The following CENPO variants were observed in gnomAD, a reference collection of about 807,000 sequenced individuals.
CENPO encodes the protein centromere protein O.
Under a neutral mutation model 36.1 loss-of-function variants are expected in CENPO, and 30 were observed. The ratio of observed to expected loss-of-function variants is 0.83; its 90% CI spans 0.62 to 1.13. CENPO has a LOEUF of 1.13. CENPO is among the 50% of genes most tolerant of loss of function. CENPO has a pLI of 0.00. For missense variants in CENPO, 349 were observed against 357.8 expected (o/e 0.98, Z 0.20); for synonymous variants, 171 against 142.3 (o/e 1.20, Z -1.44).
Position 24,821,930 on chromosome 2 carries a change from AGGTTTTGTC to A in CENPO, c.*2613_*2621del. ...TTGGCTGGGCCTGGTCCTGGTCCTT[AGGTTTTGTC>A]AGGTTGTCCTTGTTTGGATCCCTCA... is the stretch of plus-strand genomic sequence containing the variant. On this transcript the variant is annotated 3_prime_UTR_variant, in exon 8 of 8. Coordinates refer to ENST00000380834, the MANE Select transcript of CENPO (RefSeq NM_001322101.2). 1 of 350,316 alleles carries A rather than the reference AGGTTTTGTC, an allele frequency of 2.9e-6. No individual in the cohort carries two copies. The highest frequency in any genetic ancestry group is 4.0e-5 in the South Asian group (1 of 24,840). 21.7% of individuals were successfully genotyped at this position (350,316 alleles called of 1,614,324 possible). A position where few individuals can be genotyped will look rare whatever the true frequency, so the allele number is the denominator to read the frequency against.
intron 3 of CENPO, among the ~76,000 whole-genome samples, chr2:24,803,249 A>G (rs1021519962): frequency 6.6e-6 from 1 of 151,226 alleles, no homozygotes; most frequent in African/African-American, 2.4e-5. Context: ...CTAGCGGTCT[A>G]TCAATTTTGT....
chr2:24,821,717 G>A lies in CENPO; in HGVS notation c.*2399G>A. 2 of 1,564,048 alleles carry A rather than the reference G, an allele frequency of 1.3e-6. No individual in the cohort carries two copies. Among genetic ancestry groups the A allele is most frequent in the Non-Finnish European group, 1.7e-6 (2 of 1,153,830 alleles). ...CTGCTCTGCTGCCTTCCCTGGCAGT[G>A]TTCTGGGGGTGGATTCCCTACACCT... is the stretch of plus-strand genomic sequence containing the variant. On this transcript the variant is annotated 3_prime_UTR_variant, in exon 8 of 8. Coordinates refer to ENST00000380834, the MANE Select transcript of CENPO (RefSeq NM_001322101.2).
chr2:24,799,401 G>C (rs1350489045), intron 2 of CENPO, among the ~76,000 whole-genome samples: 2 of 152,142 alleles, frequency 1.3e-5, no homozygotes, highest in African/African-American at 4.8e-5. Context: ...AGACACTGCT[G>C]CCTAATCAGC....
Position 24,820,290 on chromosome 2 carries a change from A to G in CENPO, c.*972A>G, listed in dbSNP as rs934227378. On this transcript the variant is annotated 3_prime_UTR_variant, in exon 8 of 8. Coordinates refer to ENST00000380834, the MANE Select transcript of CENPO (RefSeq NM_001322101.2). ...CACCCGTGGCGAGCAGCGGGTGGGA[A>G]GGAGAACCCTGGAGTGACTGGCTGG... 76 of 1,283,414 alleles carry G rather than the reference A, an allele frequency of 5.9e-5. No homozygotes were observed. The highest frequency in any genetic ancestry group is 6.9e-5 in the Non-Finnish European group (68 of 991,864). The allele number at this position is 1,283,414 out of a possible 1,614,324, so 79.5% of individuals were successfully genotyped here.
At chr2:24,802,853 AG>A (rs1250935024) in intron 3 of CENPO, among the ~76,000 whole-genome samples, 2 of 152,178 alleles carry the variant, frequency 1.3e-5, no homozygotes, top group Non-Finnish European at 2.9e-5. Context: ...AAAATGAGTT[AG>A]GGAGGATTCC....
intron 3 of CENPO, among the ~76,000 whole-genome samples, chr2:24,810,056 A>AAC (rs1553326576): frequency 2.0e-5 from 3 of 151,808 alleles, no homozygotes; most frequent in African/African-American, 7.3e-5. Flanking sequence ...TCAAAAAAAA[A>AAC]AAAAAACTTA....
Position 24,821,245 on chromosome 2 carries a change from A to G in CENPO, c.*1927A>G. 1 of 472,548 alleles carries G rather than the reference A, an allele frequency of 2.1e-6. No homozygotes were observed. Among genetic ancestry groups the G allele is most frequent in the Non-Finnish European group, 3.7e-6 (1 of 268,256 alleles). 29.3% of individuals were successfully genotyped at this position (472,548 alleles called of 1,614,324 possible). ...GGCACAGCAACCCCTCTGGAAATGG[A>G]TCACAAACTCACTTCTCAGCCAGGC... is the stretch of plus-strand genomic sequence containing the variant. On this transcript the variant is annotated 3_prime_UTR_variant, in exon 8 of 8. Transcript: ENST00000380834.
intron 3 of CENPO, among the ~76,000 whole-genome samples, chr2:24,811,468 G>GTT (rs1184413093): frequency 1.9e-5 from 2 of 103,420 alleles, no homozygotes; most frequent in African/African-American, 3.5e-5. Context: ...TTTGTTTTTT[G>GTT]TTTTTTTTTT....
At chr2:24,809,107 A>T (rs942548463) in intron 3 of CENPO, among the ~76,000 whole-genome samples, 3 of 152,040 alleles carry the variant, frequency 2.0e-5, no homozygotes, top group Non-Finnish European at 4.4e-5. Context: ...ATTTTATGTA[A>T]ACTCTCACAT....
At chr2:24,805,257 G>T (rs182812400) in intron 3 of CENPO, among the ~76,000 whole-genome samples, 266 of 152,170 alleles carry the variant, frequency 1.7e-3, no homozygotes, top group Non-Finnish European at 3.2e-3. Flanking sequence ...TAACTTCTTT[G>T]CCATGGGTTC....
intron 3 of CENPO, among the ~76,000 whole-genome samples, chr2:24,800,130 C>G (rs1465812296): frequency 6.6e-6 from 1 of 152,186 alleles, no homozygotes; most frequent in East Asian, 1.9e-4. Flanking sequence ...ACCAGAAATA[C>G]AAAAATTAGC....
Position 24,819,870 on chromosome 2 carries a change from T to A in CENPO, c.*552T>A, listed in dbSNP as rs1667280955. ...ACTTCAATCCAGGAAGGTCGGGACT[T>A]CCTTCAGTTTCAAAAAATAAATTCT... On this transcript the variant is annotated 3_prime_UTR_variant, in exon 8 of 8. Coordinates refer to ENST00000380834, the MANE Select transcript of CENPO (RefSeq NM_001322101.2). The A allele has an allele frequency of 6.5e-7, 1 of 1,548,210 alleles. No homozygotes were observed.
Position 24,821,547 on chromosome 2 carries a change from G to A in CENPO, c.*2229G>A. 1 of 1,614,186 alleles carries A rather than the reference G, an allele frequency of 6.2e-7. No homozygotes were observed. ...CGCAGCATGAAGTTATTGAAGGACT[G>A]GTTGTTGATGTTGGTGAGCGTATCC... On this transcript the variant is annotated 3_prime_UTR_variant, in exon 8 of 8. Transcript: ENST00000380834.
chr2:24,804,663 C>T (rs1230888318), intron 3 of CENPO, among the ~76,000 whole-genome samples: 1 of 152,206 alleles, frequency 6.6e-6, no homozygotes, highest in Admixed American at 6.5e-5. Context: ...CCCCCACTCT[C>T]TTCTGACTTG....
rs746113754 is a variant in CENPO at position 24,820,060 on chromosome 2, G to T, written c.*742G>T. The stretch of plus-strand genomic sequence containing the variant: ...TTCCCCTTCACAAAGATGGGGCCTC[G>T]CCTCACAAAGCGGAAGCCGTACTCT... On this transcript the variant is annotated 3_prime_UTR_variant, in exon 8 of 8. Coordinates refer to ENST00000380834, the MANE Select transcript of CENPO (RefSeq NM_001322101.2). 63 of 1,592,670 alleles carry T rather than the reference G, an allele frequency of 4.0e-5. No individual in the cohort carries two copies. The highest frequency in any genetic ancestry group is 7.1e-5 in the Admixed American group (4 of 56,590).
intron 4 of CENPO, 125 bp downstream of exon 4, chr2:24,814,618 ACT>A: frequency 1.5e-5 from 9 of 581,716 alleles, no homozygotes; most frequent in Admixed American, 2.8e-5. Context: ...TGCCCTCATC[ACT>A]CACACACACA....
Position 24,820,666 on chromosome 2 carries a change from T to C in CENPO, c.*1348T>C. 1 of 1,607,166 alleles carries C rather than the reference T, an allele frequency of 6.2e-7. No homozygotes were observed. The highest frequency in any genetic ancestry group is 1.1e-5 in the South Asian group (1 of 90,170). On this transcript the variant is annotated 3_prime_UTR_variant, in exon 8 of 8. Transcript: ENST00000380834. Reference sequence around the variant, plus strand: ...GGCAGGGGCACGTGGGAAAGCACTGTTCCGGTTTTGTTCTCATGCCGAGTC... The same window carrying C: ...GGCAGGGGCACGTGGGAAAGCACTGCTCCGGTTTTGTTCTCATGCCGAGTC...
chr2:24,794,731 A>G (rs990778700), intron 2 of CENPO, among the ~76,000 whole-genome samples: 5 of 152,216 alleles, frequency 3.3e-5, no homozygotes, highest in Non-Finnish European at 5.9e-5. Context: ...TTTAGTGCCT[A>G]GTAATATTTG....
Position 24,821,118 on chromosome 2 carries a change from T to C in CENPO, c.*1800T>C. ...TCTAACACAGCTGGTATTTCAAGTC[T>C]CCTGGGACCTCACTCAGGAATGATA... On this transcript the variant is annotated 3_prime_UTR_variant, in exon 8 of 8. Coordinates refer to ENST00000380834, the MANE Select transcript of CENPO (RefSeq NM_001322101.2). 2.1e-6 allele frequency: 1 copy of C among 468,644 alleles called. No homozygotes were observed. Among genetic ancestry groups the C allele is most frequent in the South Asian group, 2.8e-5 (1 of 35,404 alleles). 29.0% of individuals were successfully genotyped at this position (468,644 alleles called of 1,614,324 possible). A position where few individuals can be genotyped will look rare whatever the true frequency, so the allele number is the denominator to read the frequency against.
Sources: allele counts gnomAD v4.1 joint callset (sites outside exome capture counted in the v4.1 genomes callset), GRCh38; gene constraint gnomAD v4.1.1; transcripts MANE v1.5; gene names NCBI Gene and HGNC (gene_info 2026-07-23, HGNC 2026-07-21).